Variants in FAM13A observed in about 807,000 individuals in gnomAD.
FAM13A encodes the protein protein FAM13A.
FAM13A carries 76 observed loss-of-function variants against 129.6 expected under a neutral mutation model. The observed-to-expected ratio is 0.59, with a 90% confidence interval of 0.49 to 0.71. The LOEUF is 0.71. FAM13A is among the 30% of genes least tolerant of loss of function. The pLI is 0.00. For missense variants in FAM13A, 1,108 were observed against 1,249.3 expected (o/e 0.89, Z 1.70); for synonymous variants, 443 against 449.9 (o/e 0.98, Z 0.20).
At chr4:88,994,085 T>A (rs1763250286) in intron 3 of FAM13A, among the ~76,000 whole-genome samples, 1 of 152,098 alleles carries the variant, frequency 6.6e-6, no homozygotes, top group Non-Finnish European at 1.5e-5. Context: ...TCCATCTACC[T>A]CCTTCCATTT....
chr4:88,823,286 A>C, intron 7 of FAM13A: 2 of 1,238,376 alleles, frequency 1.6e-6, no homozygotes, highest in Non-Finnish European at 2.0e-6. Flanking sequence ...CCACCGGGCC[A>C]ATCAGAGCAG....
intron 7 of FAM13A, among the ~76,000 whole-genome samples, chr4:88,805,492 T>C (rs1728374806): frequency 6.6e-6 from 1 of 152,156 alleles, no homozygotes; most frequent in Non-Finnish European, 1.5e-5. Context: ...AATGATTCCC[T>C]AGCAATGCAG....
chr4:88,755,855 C>A (rs989011071), intron 14 of FAM13A, among the ~76,000 whole-genome samples: 3 of 152,200 alleles, frequency 2.0e-5, no homozygotes, highest in African/African-American at 7.2e-5. Flanking sequence ...TGTTATGTTG[C>A]CTAGGCTGGT....
chr4:88,766,387 G>A (rs1395697512), intron 13 of FAM13A, among the ~76,000 whole-genome samples: 1 of 152,126 alleles, frequency 6.6e-6, no homozygotes, highest in Admixed American at 6.5e-5. Context: ...GTTGGAAATA[G>A]ATGAAAAAAG....
intron 4 of FAM13A, among the ~76,000 whole-genome samples, chr4:88,985,088 A>G: frequency 6.6e-6 from 1 of 152,204 alleles, no homozygotes; most frequent in Admixed American, 6.5e-5. Flanking sequence ...GTGTCTCTAC[A>G]CTGAAATATT....
intron 7 of FAM13A, chr4:88,822,973 T>C: frequency 6.2e-7 from 1 of 1,612,736 alleles, no homozygotes; most frequent in Non-Finnish European, 8.5e-7. Context: ...AGGAAAATAC[T>C]ACCTTTGCAG....
intron 5 of FAM13A, among the ~76,000 whole-genome samples, chr4:88,919,930 A>G (rs977373129): frequency 6.6e-6 from 1 of 152,218 alleles, no homozygotes; most frequent in Non-Finnish European, 1.5e-5. Context: ...CTACGCCCAC[A>G]GAGTCTCGCT....
intron 3 of FAM13A, among the ~76,000 whole-genome samples, chr4:89,013,326 G>GTA (rs146908296): frequency 0.17 from 25,754 of 148,234 alleles, 2,429 homozygotes; most frequent in East Asian, 0.38. Context: ...ATATAACACA[G>GTA]TATATATACA....
At chr4:88,881,523 G>A (rs1413968402) in intron 6 of FAM13A, among the ~76,000 whole-genome samples, 2 of 152,162 alleles carry the variant, frequency 1.3e-5, no homozygotes, top group Non-Finnish European at 2.9e-5. Flanking sequence ...CTACCCAAAT[G>A]AGAAGGAAAC....
chr4:89,054,453 C>A (rs1336614509), intron 1 of FAM13A, among the ~76,000 whole-genome samples: 1 of 151,858 alleles, frequency 6.6e-6, no homozygotes, highest in Non-Finnish European at 1.5e-5. Flanking sequence ...AAAGCTATAC[C>A]CCAAAATATG....
chr4:88,752,111 C>G (rs367670951), intron 14 of FAM13A, among the ~76,000 whole-genome samples: 15 of 152,168 alleles, frequency 9.9e-5, no homozygotes, highest in Non-Finnish European at 2.2e-4. Flanking sequence ...GCTACCAGCA[C>G]GCAGGCTCCT....
intron 8 of FAM13A, among the ~76,000 whole-genome samples, chr4:88,792,235 G>C (rs1725334045): frequency 1.3e-5 from 2 of 151,942 alleles, no homozygotes; most frequent in South Asian, 4.1e-4. Flanking sequence ...CAGATGAAGA[G>C]GTTAGAAAGG....
chr4:88,731,859 A>T (rs2924940), intron 22 of FAM13A, 143 bp downstream of exon 22: 209,618 of 692,698 alleles, frequency 0.3, 35,183 homozygotes, highest in East Asian at 0.57. Flanking sequence ...GAAATTTTTT[A>T]AAAAATCACC....
At chr4:89,036,095 G>A (rs922026223) in intron 1 of FAM13A, among the ~76,000 whole-genome samples, 15 of 152,172 alleles carry the variant, frequency 9.9e-5, no homozygotes, top group African/African-American at 3.4e-4. Flanking sequence ...AATGTTCAGC[G>A]GTTGGAACAG....
At chr4:88,890,634 T>C (rs1745162361) in intron 6 of FAM13A, among the ~76,000 whole-genome samples, 1 of 151,982 alleles carries the variant, frequency 6.6e-6, no homozygotes, top group Non-Finnish European at 1.5e-5. Flanking sequence ...GGACAATAGA[T>C]GCAGAAAAGA....
At chr4:88,859,142 T>C (rs1163365427) in intron 6 of FAM13A, among the ~76,000 whole-genome samples, 1 of 152,170 alleles carries the variant, frequency 6.6e-6, no homozygotes, top group Non-Finnish European at 1.5e-5. Flanking sequence ...AGTTCTGCTG[T>C]GAAGAATAGC....
chr4:88,959,867 T>C (rs1453832115), intron 4 of FAM13A, among the ~76,000 whole-genome samples: 1 of 152,210 alleles, frequency 6.6e-6, no homozygotes. Flanking sequence ...TTATTCTGTC[T>C]ACCACAATAA....
chr4:88,957,820 C>G (rs540052355), intron 4 of FAM13A, among the ~76,000 whole-genome samples: 72 of 152,156 alleles, frequency 4.7e-4, no homozygotes, highest in Non-Finnish European at 9.3e-4. Flanking sequence ...CCATGTTATG[C>G]GTTAGCAAGG....
intron 5 of FAM13A, 143 bp from the exon 6 acceptor site, chr4:88,906,605 C>G: frequency 3.3e-6 from 2 of 615,020 alleles, no homozygotes. Context: ...AATTGTAGTA[C>G]GGAGTCAAAA....
Sources: allele counts gnomAD v4.1 joint callset (sites outside exome capture counted in the v4.1 genomes callset), GRCh38; gene constraint gnomAD v4.1.1; transcripts MANE v1.5; gene names NCBI Gene and HGNC (gene_info 2026-07-23, HGNC 2026-07-21).